Variants in TENM3 observed in about 807,000 individuals in gnomAD.
The protein encoded by TENM3 is teneurin transmembrane protein 3.
A neutral mutation model predicts 255.1 loss-of-function variants in TENM3; 63 were observed. The observed-to-expected ratio is 0.25, with a 90% CI of 0.20 to 0.30. The LOEUF is 0.30. TENM3 is among the 10% of genes least tolerant of loss of function. The pLI is 1.00. For synonymous variants in TENM3, 1,306 were observed against 1,322.3 expected (o/e 0.99, Z 0.27); for missense variants, 2,929 against 3,461.1 (o/e 0.85, Z 3.86).
At chr4:181,826,926 T>C in the TENM3 span, among the ~76,000 whole-genome samples, 1 of 152,218 alleles carries the variant, frequency 6.6e-6, no homozygotes, top group African/African-American at 2.4e-5. Context: ...CTTTCTTAGA[T>C]ATTCCTCTTC....
chr4:181,706,133 T>A, the TENM3 span, among the ~76,000 whole-genome samples: 1 of 151,930 alleles, frequency 6.6e-6, no homozygotes, highest in Admixed American at 6.6e-5. Flanking sequence ...TCCAGGCCTC[T>A]CCCCTTGGCT....
intron 4 of TENM3, among the ~76,000 whole-genome samples, chr4:182,611,272 A>G (rs1196549643): frequency 1.3e-5 from 2 of 152,140 alleles, no homozygotes; most frequent in South Asian, 2.1e-4. Flanking sequence ...ACATGCAGCA[A>G]TTTACTAAGC....
At chr4:181,589,613 C>G in the TENM3 span, among the ~76,000 whole-genome samples, 6 of 152,168 alleles carry the variant, frequency 3.9e-5, no homozygotes, top group African/African-American at 7.2e-5. Flanking sequence ...GAGAATTAAA[C>G]TGACACAAGA....
chr4:181,714,013 A>G, the TENM3 span, among the ~76,000 whole-genome samples: 250 of 152,292 alleles, frequency 1.6e-3, no homozygotes, highest in Middle Eastern at 0.014. Flanking sequence ...AGGCACACGT[A>G]CCCACAGATA....
At chr4:182,700,367 A>G (rs777215339) in intron 12 of TENM3, among the ~76,000 whole-genome samples, 28 of 152,218 alleles carry the variant, frequency 1.8e-4, no homozygotes, top group Non-Finnish European at 3.5e-4. Flanking sequence ...GAATATGACA[A>G]GTTGAAAATA....
intron 5 of TENM3, among the ~76,000 whole-genome samples, chr4:182,629,608 C>CTAAG (rs1343722647): frequency 6.6e-6 from 1 of 152,120 alleles, no homozygotes; most frequent in East Asian, 1.9e-4. Flanking sequence ...TGATCTTCTT[C>CTAAG]TAAGTATAGG....
At chr4:182,072,695 C>T in the TENM3 span, among the ~76,000 whole-genome samples, 20 of 152,230 alleles carry the variant, frequency 1.3e-4, no homozygotes, top group Admixed American at 5.2e-4. Flanking sequence ...TAAGGTGACA[C>T]ATTCTTTGGG....
the TENM3 span, among the ~76,000 whole-genome samples, chr4:181,934,971 CTT>C: frequency 6.6e-6 from 1 of 152,116 alleles, no homozygotes; most frequent in Non-Finnish European, 1.5e-5. Context: ...CCAGAAAAGA[CTT>C]TGTTGGATTC....
chr4:182,792,522 C>T lies in TENM3; in HGVS notation c.5850C>T (p.Tyr1950=), dbSNP rs1766190828. 4 of 1,614,016 alleles carry T rather than the reference C, an allele frequency of 2.5e-6. No individual in the cohort carries two copies. The highest frequency in any genetic ancestry group is 3.4e-6 in the Non-Finnish European group (4 of 1,179,894). Residue 1950 remains tyrosine, a synonymous_variant, in exon 26 of 28, where the codon TAC becomes TAT. Coordinates refer to ENST00000511685, the MANE Select transcript of TENM3 (RefSeq NM_001080477.4). The surrounding 1 kb of genome is among the most constrained non-coding windows in gnomAD (Gnocchi z 6.3). The stretch of plus-strand genomic sequence containing the variant: ...CAAGTCGGAGGGTCTTATTCAAATA[C>T]AGAAGGCAGACTAGGCTCTCAGAAA... ...LGTSRRVLFK[Y]RRQTRLSEIL...
intron 3 of TENM3, among the ~76,000 whole-genome samples, chr4:182,397,215 G>C (rs1418513876): frequency 8.4e-5 from 12 of 142,804 alleles, no homozygotes; most frequent in Non-Finnish European, 3.0e-5. Flanking sequence ...AGGGAGACAA[G>C]TAAGAAGTAG....
At chr4:182,096,650 G>C in the TENM3 span, among the ~76,000 whole-genome samples, 3 of 152,182 alleles carry the variant, frequency 2.0e-5, no homozygotes, top group Non-Finnish European at 4.4e-5. Context: ...ATGATGACTT[G>C]ACGACTAAGC....
chr4:182,077,024 A>G, the TENM3 span, among the ~76,000 whole-genome samples: 1 of 152,164 alleles, frequency 6.6e-6, no homozygotes, highest in African/African-American at 2.4e-5. Flanking sequence ...TTTCTTCCAT[A>G]ACCTTTCCTT....
chr4:182,254,022 C>CT (rs1758210960), intron 1 of TENM3, among the ~76,000 whole-genome samples: 1 of 152,048 alleles, frequency 6.6e-6, no homozygotes, highest in Non-Finnish European at 1.5e-5. Flanking sequence ...TTCACCCATT[C>CT]TTTTTAATTC....
intron 21 of TENM3, 139 bp downstream of exon 21, chr4:182,753,743 G>A (rs998559834): frequency 7.7e-6 from 5 of 648,420 alleles, no homozygotes; most frequent in Middle Eastern, 5.2e-4. Context: ...CCATTTACAT[G>A]TATCACAGGA....
chr4:182,259,508 T>A (rs1444989907), intron 1 of TENM3, among the ~76,000 whole-genome samples: 2 of 152,120 alleles, frequency 1.3e-5, no homozygotes, highest in Non-Finnish European at 2.9e-5. Context: ...AGACAGGGTC[T>A]GCCTTTGTTG....
the TENM3 span, among the ~76,000 whole-genome samples, chr4:181,769,032 G>C: frequency 7.6e-4 from 115 of 152,156 alleles, no homozygotes; most frequent in African/African-American, 2.6e-3. Context: ...TCTTTTAGCA[G>C]GGAGCGCTTA....
the TENM3 span, among the ~76,000 whole-genome samples, chr4:181,506,660 G>GT: frequency 7.3e-5 from 11 of 151,720 alleles, no homozygotes; most frequent in African/African-American, 2.2e-4. Context: ...ATGTCACAGA[G>GT]TAAAAAGGCC....
At chr4:182,283,568 G>A (rs1436878150) in intron 1 of TENM3, among the ~76,000 whole-genome samples, 1 of 152,214 alleles carries the variant, frequency 6.6e-6, no homozygotes, top group African/African-American at 2.4e-5. Flanking sequence ...TGGCTCCCAA[G>A]ATGGAGTGGC....
intron 19 of TENM3, among the ~76,000 whole-genome samples, chr4:182,745,607 T>A (rs188305176): frequency 9.7e-4 from 148 of 152,294 alleles, no homozygotes; most frequent in African/African-American, 3.2e-3. Context: ...CTCCAGGAGA[T>A]TATGTATCTT....
Sources: allele counts gnomAD v4.1 joint callset (sites outside exome capture counted in the v4.1 genomes callset), GRCh38; gene constraint gnomAD v4.1.1; non-coding constraint Gnocchi (gnomAD v3.1); transcripts MANE v1.5; gene names NCBI Gene and HGNC (gene_info 2026-07-23, HGNC 2026-07-21).